SH3RF1: variants seen among roughly 807,000 people sequenced by gnomAD.
SH3RF1 encodes E3 ubiquitin-protein ligase SH3RF1.
A neutral mutation model predicts 74.0 loss-of-function variants in SH3RF1; 32 were observed. That is an observed-to-expected ratio of 0.43 (90% CI 0.33 to 0.58). The LOEUF (loss-of-function observed/expected upper bound fraction) is 0.58, where lower values mean the gene tolerates loss of function less well. Ranked by LOEUF, SH3RF1 falls within the 20% of genes least tolerant of loss-of-function variation. The pLI is 0.05. For synonymous variants in SH3RF1, 396 were observed against 439.6 expected (o/e 0.90, Z 1.24); for missense variants, 954 against 1,130.9 (o/e 0.84, Z 2.24).
Position 169,094,541 on chromosome 4 carries a change from T to TA in SH3RF1, c.*1977dup, listed in dbSNP as rs1264856317. 6.6e-6 allele frequency: 1 copy of TA among 152,092 alleles called. No individual in the cohort carries two copies. The highest frequency in any genetic ancestry group is 1.5e-5 in the Non-Finnish European group (1 of 68,022). 9.4% of individuals were successfully genotyped at this position (152,092 alleles called of 1,614,324 possible). A position where few individuals can be genotyped will look rare whatever the true frequency, so the allele number is the denominator to read the frequency against. On this transcript the variant is annotated 3_prime_UTR_variant, in exon 12 of 12. Transcript: ENST00000284637. ...GCTTAAAATATGGAGAAAAGACAGG[T>TA]AAAAAAATTATCTTAACCTGTAGTA...
intron 4 of SH3RF1, among the ~76,000 whole-genome samples, chr4:169,146,189 TA>T (rs1462257118): frequency 1.5e-3 from 210 of 144,052 alleles, no homozygotes; most frequent in African/African-American, 4.7e-3. Context: ...ATATTCTATA[TA>T]AAATATTATA....
At chr4:169,217,931 T>G (rs1254191452) in intron 2 of SH3RF1, among the ~76,000 whole-genome samples, 1 of 152,076 alleles carries the variant, frequency 6.6e-6, no homozygotes, top group African/African-American at 2.4e-5. Flanking sequence ...GTCTCTTCAA[T>G]TTCCCTGAGA....
At chr4:169,208,926 GAAAAAAAGA>G (rs1164826180) in intron 2 of SH3RF1, among the ~76,000 whole-genome samples, 2 of 150,548 alleles carry the variant, frequency 1.3e-5, no homozygotes, top group Non-Finnish European at 3.0e-5. Flanking sequence ...GCAAGGGACT[GAAAAAAAGA>G]AAAAAAAGAA....
chr4:169,121,951 A>C lies in SH3RF1; in HGVS notation c.1346+149T>G. 4.2e-6 allele frequency: 4 copies of C among 951,914 alleles called. No individual in the cohort carries two copies. The South Asian group carries it at 7.8e-5, about 19-fold the overall frequency. The allele number at this position is 951,914 out of a possible 1,614,324, so 59.0% of individuals were successfully genotyped here. A position where few individuals can be genotyped will look rare whatever the true frequency, so the allele number is the denominator to read the frequency against. Reference sequence around the variant, plus strand: ...TTTCAGCAGTTCCCTAGTTACATGCATGACCAGGTAGAAGTTTGCAGGACA... The same window carrying C: ...TTTCAGCAGTTCCCTAGTTACATGCCTGACCAGGTAGAAGTTTGCAGGACA... On this transcript the variant is annotated intron_variant, in intron 7 of 11. Transcript: ENST00000284637.
chr4:169,255,356 T>C (rs1433462659), intron 2 of SH3RF1, among the ~76,000 whole-genome samples: 2 of 152,188 alleles, frequency 1.3e-5, no homozygotes, highest in Admixed American at 6.5e-5. Context: ...GTAAAGTACA[T>C]AAATGCATTT....
At chr4:169,261,011 T>C (rs1731269457) in intron 2 of SH3RF1, among the ~76,000 whole-genome samples, 1 of 152,188 alleles carries the variant, frequency 6.6e-6, no homozygotes, top group African/African-American at 2.4e-5. Context: ...TCAACAAACC[T>C]CTTGTGAGTG....
At chr4:169,220,065 C>T (rs1431721893) in intron 2 of SH3RF1, 1 of 151,924 alleles carries the variant, frequency 6.6e-6, no homozygotes, top group East Asian at 1.9e-4. Context: ...AAAGAAATAC[C>T]AAAATTGTTT....
At chr4:169,198,611 A>G (rs1392862527) in intron 2 of SH3RF1, among the ~76,000 whole-genome samples, 2 of 152,300 alleles carry the variant, frequency 1.3e-5, no homozygotes, top group East Asian at 3.9e-4. Context: ...GAACTTTTTT[A>G]GAGCATCTAA....
At chr4:169,130,427 G>A (rs754630380) in intron 5 of SH3RF1, among the ~76,000 whole-genome samples, 35 of 151,962 alleles carry the variant, frequency 2.3e-4, no homozygotes, top group Non-Finnish European at 4.6e-4. Flanking sequence ...TGGCTTTCAC[G>A]GTAACACATT....
intron 2 of SH3RF1, among the ~76,000 whole-genome samples, chr4:169,226,004 G>A (rs990529836): frequency 1.3e-5 from 2 of 152,076 alleles, no homozygotes; most frequent in African/African-American, 4.8e-5. Flanking sequence ...CAACAGAAGA[G>A]ACAATGAATA....
chr4:169,220,552 A>G (rs1340549543), intron 2 of SH3RF1, among the ~76,000 whole-genome samples: 1 of 152,210 alleles, frequency 6.6e-6, no homozygotes, highest in Non-Finnish European at 1.5e-5. Flanking sequence ...GCTTTCTTCC[A>G]TGAGAGCAAC....
intron 2 of SH3RF1, among the ~76,000 whole-genome samples, chr4:169,182,292 G>A (rs758256366): frequency 4.6e-5 from 7 of 152,100 alleles, no homozygotes; most frequent in South Asian, 2.1e-4. Context: ...TTTTATATGC[G>A]AATCAGGTAA....
chr4:169,112,213 A>T (rs1400233953), intron 10 of SH3RF1, among the ~76,000 whole-genome samples: 5 of 152,220 alleles, frequency 3.3e-5, no homozygotes, highest in Non-Finnish European at 4.4e-5. Context: ...AAATACCTAG[A>T]TATCTGCTGT....
At chr4:169,214,110 T>C (rs572024084) in intron 2 of SH3RF1, among the ~76,000 whole-genome samples, 1 of 152,228 alleles carries the variant, frequency 6.6e-6, no homozygotes, top group Non-Finnish European at 1.5e-5. Flanking sequence ...ATGTTGGAGG[T>C]GGGGCCTCGA....
chr4:169,193,396 TC>T (rs1186221838), intron 2 of SH3RF1, among the ~76,000 whole-genome samples: 2 of 152,164 alleles, frequency 1.3e-5, no homozygotes, highest in East Asian at 3.8e-4. Flanking sequence ...TGTGTTAGCT[TC>T]CAACAGACAA....
intron 5 of SH3RF1, among the ~76,000 whole-genome samples, chr4:169,132,356 T>C (rs1733632946): frequency 6.6e-6 from 1 of 152,222 alleles, no homozygotes. Flanking sequence ...TTCATGTCTC[T>C]AGGCCCCTGT....
intron 11 of SH3RF1, among the ~76,000 whole-genome samples, chr4:169,105,010 G>C (rs942085205): frequency 1.1e-4 from 16 of 152,150 alleles, no homozygotes; most frequent in Middle Eastern, 3.4e-3. Context: ...TAAAAAGTGT[G>C]CCAAAAATAT....
intron 4 of SH3RF1, among the ~76,000 whole-genome samples, chr4:169,141,562 T>C (rs1733786556): frequency 6.6e-6 from 1 of 152,218 alleles, no homozygotes; most frequent in African/African-American, 2.4e-5. Context: ...TTTCTTTTTT[T>C]AGGATTTGCT....
At chr4:169,098,779 C>G (rs551898822) in intron 11 of SH3RF1, among the ~76,000 whole-genome samples, 1 of 152,330 alleles carries the variant, frequency 6.6e-6, no homozygotes, top group African/African-American at 2.4e-5. Context: ...AGCAGCTTAA[C>G]TTTGGGCCAG....
Sources: gnomAD v4.1 joint callset for allele counts (sites outside exome capture counted in the v4.1 genomes callset) on GRCh38, gnomAD v4.1.1 for gene constraint, MANE v1.5 for transcripts, NCBI Gene and HGNC (gene_info 2026-07-23, HGNC 2026-07-21) for gene names.